The following STIM2 variants were observed in gnomAD, a reference collection of about 807,000 sequenced individuals.
STIM2 encodes the protein stromal interaction molecule 2.
A neutral mutation model predicts 85.8 loss-of-function variants in STIM2; 31 were observed. The ratio of observed to expected loss-of-function variants is 0.36; its 90% CI spans 0.27 to 0.49. STIM2 has a LOEUF of 0.49. STIM2 is among the 20% of genes least tolerant of loss of function. The probability of loss-of-function intolerance (pLI) is 0.98; values close to 1 mark genes in which losing one functional copy is unlikely to be tolerated. For missense variants in STIM2, 841 were observed against 927.6 expected (o/e 0.91, Z 1.21); for synonymous variants, 356 against 331.1 (o/e 1.08, Z -0.82).
intron 1 of STIM2, among the ~76,000 whole-genome samples, chr4:26,902,013 A>C (rs1250389597): frequency 6.6e-6 from 1 of 152,202 alleles, no homozygotes; most frequent in Non-Finnish European, 1.5e-5. Flanking sequence ...CAGGGATCAC[A>C]GTGTGCCTGT....
intron 1 of STIM2, among the ~76,000 whole-genome samples, chr4:26,895,117 T>C (rs1723651549): frequency 6.6e-6 from 1 of 152,074 alleles, no homozygotes; most frequent in Non-Finnish European, 1.5e-5. Flanking sequence ...GAGGGTGAGT[T>C]AGGAGAATTG....
chr4:26,861,494 G>A, intron 1 of STIM2, 125 bp downstream of exon 1: 1 of 1,218,352 alleles, frequency 8.2e-7, no homozygotes, highest in Non-Finnish European at 1.0e-6. Context: ...GCGATGCGGA[G>A]CCCTGCCTGC....
At chr4:26,914,915 TCTTGGTGCAGTCAGCTTCTCAGC>T (rs1724477053) in intron 1 of STIM2, among the ~76,000 whole-genome samples, 1 of 152,212 alleles carries the variant, frequency 6.6e-6, no homozygotes, top group South Asian at 2.1e-4. Context: ...CATTTATGCT[TCTTGGTGCAGTCAGCTTCTCAGC>T]CAGGTCCTGG....
At chr4:26,865,699 T>C (rs1399666476) in intron 1 of STIM2, among the ~76,000 whole-genome samples, 1 of 152,166 alleles carries the variant, frequency 6.6e-6, no homozygotes, top group Non-Finnish European at 1.5e-5. Flanking sequence ...TTTTTTGACA[T>C]TTACTGGAGT....
At chr4:26,869,189 C>T (rs1722514343) in intron 1 of STIM2, among the ~76,000 whole-genome samples, 1 of 150,544 alleles carries the variant, frequency 6.6e-6, no homozygotes, top group South Asian at 2.1e-4. Flanking sequence ...CCTGGCTACT[C>T]AGGAGGCTGA....
In STIM2 at chr4:26,861,363, A is replaced by C. The variant is rs763511783; in HGVS notation, c.145A>C (p.Met49Leu). ...GGCGGCCGGCGATAGCCCGGCGCTC[A>C]TGACAGGTGAGGGGCCGGGGGGCGG... The change falls in exon 1 of 12, where the codon ATG (methionine) becomes CTG (leucine). Residue 49 changes from methionine to leucine, a missense_variant. Transcript: ENST00000467087. The C allele has an allele frequency of 1.5e-5, 20 of 1,327,622 alleles. No individual in the cohort carries two copies. Among genetic ancestry groups the C allele is most frequent in the Middle Eastern group, 5.7e-4 (2 of 3,480 alleles). The allele number at this position is 1,327,622 out of a possible 1,614,324, so 82.2% of individuals were successfully genotyped here.
intron 5 of STIM2, among the ~76,000 whole-genome samples, chr4:27,001,212 G>A (rs11943656): frequency 0.019 from 2,958 of 152,266 alleles, 104 homozygotes; most frequent in African/African-American, 0.068. Flanking sequence ...GTTTTTCACT[G>A]TGAGCTGTAT....
At chr4:26,964,299 G>A (rs771686670) in intron 3 of STIM2, among the ~76,000 whole-genome samples, 1 of 152,134 alleles carries the variant, frequency 6.6e-6, no homozygotes, top group Non-Finnish European at 1.5e-5. Flanking sequence ...GCAAAAAAGG[G>A]TATTATTTTA....
intron 3 of STIM2, among the ~76,000 whole-genome samples, chr4:26,958,121 T>G (rs1291928117): frequency 6.6e-6 from 1 of 152,138 alleles, no homozygotes; most frequent in Non-Finnish European, 1.5e-5. Flanking sequence ...CTGTTAAGCT[T>G]TTTCTTAAGT....
intron 1 of STIM2, among the ~76,000 whole-genome samples, chr4:26,886,899 T>C (rs1244104779): frequency 6.6e-6 from 1 of 152,146 alleles, no homozygotes. Context: ...ATTAGTAGGC[T>C]TTTGTCCGGG....
At chr4:26,958,418 A>G (rs1357767766) in intron 3 of STIM2, among the ~76,000 whole-genome samples, 1 of 152,198 alleles carries the variant, frequency 6.6e-6, no homozygotes, top group South Asian at 2.1e-4. Context: ...TTATATTGTA[A>G]GCATATATTT....
At chr4:27,008,365 T>C (rs1728440887) in intron 8 of STIM2, 63 bp from the exon 9 acceptor site, 2 of 966,814 alleles carry the variant, frequency 2.1e-6, no homozygotes, top group Non-Finnish European at 3.1e-6. Flanking sequence ...TATTATGTTA[T>C]ATATACAAAA....
In STIM2 at chr4:26,891,180, G is replaced by GT. The variant is rs1219138346; in HGVS notation, c.152-28322dup. Among the ~76,000 whole-genome samples the GT allele has an allele frequency of 2.0e-5, 3 of 152,320 alleles. No homozygotes were observed. The East Asian group carries it at 5.8e-4, about 29-fold the overall frequency. On this transcript the variant is annotated intron_variant, in intron 1 of 11. Coordinates refer to ENST00000467087, the MANE Select transcript of STIM2 (RefSeq NM_020860.4). Reference sequence around the variant, plus strand: ...TGTTTGGTCAAACACTAGTCTAGATGTTGCATGAAAGTAATTTGTAGATAT... The same window carrying GT: ...TGTTTGGTCAAACACTAGTCTAGATGTTTGCATGAAAGTAATTTGTAGATAT...
intron 1 of STIM2, among the ~76,000 whole-genome samples, chr4:26,871,371 CATT>C (rs1722605046): frequency 6.6e-6 from 1 of 152,154 alleles, no homozygotes; most frequent in Non-Finnish European, 1.5e-5. Context: ...CAGATACAAA[CATT>C]GTGATTAATG....
At chr4:26,863,597 C>T (rs1470462115) in intron 1 of STIM2, among the ~76,000 whole-genome samples, 1 of 152,048 alleles carries the variant, frequency 6.6e-6, no homozygotes, top group Non-Finnish European at 1.5e-5. Context: ...AAGCCTAGAA[C>T]CTAATTTATT....
At chr4:27,000,533 G>A (rs990333445) in intron 5 of STIM2, among the ~76,000 whole-genome samples, 1 of 152,084 alleles carries the variant, frequency 6.6e-6, no homozygotes, top group Non-Finnish European at 1.5e-5. Flanking sequence ...TATAGAATTT[G>A]TTTCTATTTA....
intron 1 of STIM2, among the ~76,000 whole-genome samples, chr4:26,878,016 C>G (rs1241102029): frequency 6.6e-6 from 1 of 152,284 alleles, no homozygotes; most frequent in South Asian, 2.1e-4. Context: ...TTGGACTTCC[C>G]AGCCTCCAGA....
At chr4:26,877,004 A>C (rs1722837325) in intron 1 of STIM2, among the ~76,000 whole-genome samples, 1 of 152,152 alleles carries the variant, frequency 6.6e-6, no homozygotes, top group Admixed American at 6.5e-5. Context: ...AACCAATTTT[A>C]AGAGGGCTTT....
chr4:26,973,807 C>T (rs1577472676), intron 3 of STIM2, among the ~76,000 whole-genome samples: 1 of 152,236 alleles, frequency 6.6e-6, no homozygotes, highest in Middle Eastern at 3.4e-3. Flanking sequence ...AACCTTCTGT[C>T]TTGTTGATCT....
Sources: gnomAD v4.1 joint callset for allele counts (sites outside exome capture counted in the v4.1 genomes callset) on GRCh38, gnomAD v4.1.1 for gene constraint, MANE v1.5 for transcripts, NCBI Gene and HGNC (gene_info 2026-07-23, HGNC 2026-07-21) for gene names.